GABRG3: variants seen among roughly 807,000 people sequenced by gnomAD.
GABRG3 encodes the protein gamma-aminobutyric acid receptor subunit gamma-3.
In GABRG3, 25 loss-of-function variants were observed where a neutral mutation model predicts 48.8. That is an observed-to-expected ratio of 0.51 (90% CI 0.37 to 0.72). The LOEUF is 0.72. Among genes scored for constraint, GABRG3 ranks in the 30% least tolerant of loss-of-function variants. The pLI, the probability that GABRG3 is intolerant of heterozygous loss-of-function variation, is 0.00. For missense variants in GABRG3, 394 were observed against 577.9 expected (o/e 0.68, Z 3.26); for synonymous variants, 227 against 217.6 (o/e 1.04, Z -0.38).
intron 5 of GABRG3, among the ~76,000 whole-genome samples, chr15:27,390,795 A>C (rs963983905): frequency 1.3e-5 from 2 of 152,180 alleles, no homozygotes; most frequent in Non-Finnish European, 2.9e-5. Context: ...TTCTGATAAA[A>C]AGACATAATC....
intron 7 of GABRG3, 49 bp from the exon 8 acceptor site, chr15:27,527,384 C>T: frequency 6.4e-7 from 1 of 1,563,148 alleles, no homozygotes; most frequent in Non-Finnish European, 8.7e-7. Context: ...TCTGGGATTC[C>T]TGTTGCGTGT....
Position 27,180,593 on chromosome 15 carries a change from A to G in GABRG3, c.271-146216A>G, listed in dbSNP as rs1302236841. 6.6e-6 allele frequency among the ~76,000 whole-genome samples: 1 copy of G among 151,724 alleles called. No individual in the cohort carries two copies. Among genetic ancestry groups the G allele is most frequent in the Non-Finnish European group, 1.5e-5 (1 of 67,934 alleles). The stretch of plus-strand genomic sequence containing the variant: ...TCCTGATTCACTCAACTTTACCCCA[A>G]CTCAGATTCTGTTTCTAAGGTGAAC... On this transcript the variant is annotated intron_variant, in intron 3 of 9. Transcript: ENST00000615808. This position sits in a 1 kb window ranked among gnomAD's most constrained non-coding sequence, Gnocchi z 4.2.
intron 5 of GABRG3, among the ~76,000 whole-genome samples, chr15:27,361,977 G>A (rs1421696578): frequency 6.6e-6 from 1 of 152,116 alleles, no homozygotes; most frequent in African/African-American, 2.4e-5. Context: ...AGAAAAGACC[G>A]AGGTAAAAAT....
At chr15:27,214,418 A>G (rs1362672120) in intron 3 of GABRG3, among the ~76,000 whole-genome samples, 1 of 152,238 alleles carries the variant, frequency 6.6e-6, no homozygotes, top group African/African-American at 2.4e-5. Context: ...CCTAAAGGCA[A>G]GGTTTACGGT....
At chr15:27,193,473 C>A (rs1566960752) in intron 3 of GABRG3, among the ~76,000 whole-genome samples, 1 of 151,974 alleles carries the variant, frequency 6.6e-6, no homozygotes, top group Non-Finnish European at 1.5e-5. Context: ...TGATCTCAGA[C>A]TGCTGTGCTA....
chr15:27,261,848 AT>A (rs1413871645), intron 3 of GABRG3, among the ~76,000 whole-genome samples: 10 of 152,108 alleles, frequency 6.6e-5, no homozygotes, highest in African/African-American at 2.4e-4. Context: ...CACTCTCTAT[AT>A]TTATATCTGA....
At chr15:27,416,777 C>G (rs1246933387) in intron 5 of GABRG3, among the ~76,000 whole-genome samples, 1 of 152,170 alleles carries the variant, frequency 6.6e-6, no homozygotes, top group African/African-American at 2.4e-5. Flanking sequence ...GCCGATCAGC[C>G]TGTCCATTTC....
At chr15:27,338,284 G>A (rs985119240) in intron 5 of GABRG3, among the ~76,000 whole-genome samples, 4 of 152,144 alleles carry the variant, frequency 2.6e-5, no homozygotes, top group South Asian at 2.1e-4. Flanking sequence ...TCTTGTGGAC[G>A]TGCTGTTAAC....
chr15:27,383,159 G>A (rs747503388), intron 5 of GABRG3, among the ~76,000 whole-genome samples: 10 of 152,136 alleles, frequency 6.6e-5, no homozygotes, highest in Non-Finnish European at 1.0e-4. Context: ...ACTGTATCCT[G>A]GAAACAACTG....
At chr15:27,130,968 A>T (rs190836980) in intron 3 of GABRG3, among the ~76,000 whole-genome samples, 32 of 152,188 alleles carry the variant, frequency 2.1e-4, no homozygotes, top group Non-Finnish European at 3.5e-4. Flanking sequence ...TACATATAAA[A>T]TCACGTCTGT....
chr15:27,435,749 C>T (rs1888591367), intron 5 of GABRG3, among the ~76,000 whole-genome samples: 1 of 152,186 alleles, frequency 6.6e-6, no homozygotes, highest in South Asian at 2.1e-4. Context: ...GAGAGGCTAG[C>T]ATCCAGAATT....
chr15:27,300,692 A>AC (rs1892174064), intron 3 of GABRG3, among the ~76,000 whole-genome samples: 1 of 151,734 alleles, frequency 6.6e-6, no homozygotes, highest in Non-Finnish European at 1.5e-5. Flanking sequence ...AAAAAAAAAA[A>AC]AAAAACACCT....
chr15:27,345,942 A>G (rs1326252898), intron 5 of GABRG3, among the ~76,000 whole-genome samples: 1 of 151,844 alleles, frequency 6.6e-6, no homozygotes, highest in African/African-American at 2.4e-5. Context: ...AGTCCCAGCT[A>G]CCCAGGAGGC....
intron 3 of GABRG3, among the ~76,000 whole-genome samples, chr15:27,176,760 A>C (rs887230993): frequency 2.0e-5 from 3 of 152,122 alleles, no homozygotes; most frequent in African/African-American, 7.2e-5. Flanking sequence ...GGGGCTTTTG[A>C]AGGAAGTATC....
chr15:27,178,858 G>A (rs1887830655), intron 3 of GABRG3, among the ~76,000 whole-genome samples: 1 of 152,200 alleles, frequency 6.6e-6, no homozygotes, highest in Admixed American at 6.5e-5. Flanking sequence ...AAACAAAGTA[G>A]GGCAGATAAT....
chr15:27,513,648 G>A (rs981735952), intron 6 of GABRG3, among the ~76,000 whole-genome samples: 4 of 151,756 alleles, frequency 2.6e-5, no homozygotes, highest in African/African-American at 9.7e-5. Context: ...TGTGAGACGA[G>A]GAAAAGAATA....
intron 3 of GABRG3, among the ~76,000 whole-genome samples, chr15:27,034,591 TA>T (rs564257264): frequency 1.1e-3 from 161 of 149,456 alleles, no homozygotes; most frequent in East Asian, 3.5e-3. Flanking sequence ...CTCTGCAAAT[TA>T]AAAAAAAAAT....
chr15:27,446,566 AT>A lies in GABRG3; in HGVS notation c.575-34080del, dbSNP rs767826220. On this transcript the variant is annotated intron_variant, in intron 5 of 9. Coordinates refer to ENST00000615808, the MANE Select transcript of GABRG3 (RefSeq NM_033223.5). Reference sequence around the variant, plus strand: ...ATAAAAATTTCTAGCAGAAAAAAAAATTTTGTAGTTTTCAGAGTATAAAATT... The same window carrying A: ...ATAAAAATTTCTAGCAGAAAAAAAAATTTGTAGTTTTCAGAGTATAAAATT... Among the ~76,000 whole-genome samples, 55 of 152,300 alleles carry A rather than the reference AT, an allele frequency of 3.6e-4. No homozygotes were observed. The South Asian group carries it at 5.2e-3, about 14-fold the overall frequency.
intron 5 of GABRG3, chr15:27,340,463 G>A (rs1170146563): frequency 6.6e-6 from 1 of 152,214 alleles, no homozygotes; most frequent in Non-Finnish European, 1.5e-5. Flanking sequence ...CAAATACCAA[G>A]CTCTCTGTTG....
Sources: gnomAD v4.1 joint callset for allele counts (sites outside exome capture counted in the v4.1 genomes callset) on GRCh38, gnomAD v4.1.1 for gene constraint, Gnocchi (gnomAD v3.1) non-coding constraint, MANE v1.5 for transcripts, NCBI Gene and HGNC (gene_info 2026-07-23, HGNC 2026-07-21) for gene names.